CACNA1C: variants seen among roughly 807,000 people sequenced by gnomAD.
CACNA1C encodes the protein calcium voltage-gated channel subunit alpha1 C, also known as voltage-dependent L-type calcium channel subunit alpha-1C.
A neutral mutation model predicts 229.0 loss-of-function variants in CACNA1C; 30 were observed. The observed-to-expected ratio is 0.13, with a 90% confidence interval of 0.10 to 0.18. The LOEUF (loss-of-function observed/expected upper bound fraction) is 0.18, where lower values mean the gene tolerates loss of function less well. CACNA1C is among the 10% of genes least tolerant of loss of function. CACNA1C has a pLI of 1.00. For missense variants in CACNA1C, 1,658 were observed against 2,845.0 expected, an observed-to-expected ratio of 0.58 and a Z score of 9.49; for synonymous variants, 1,114 against 1,132.5, an observed-to-expected ratio of 0.98 and a Z score of 0.33.
At chr12:2,254,193 C>T (rs975486302) in intron 3 of CACNA1C, among the ~76,000 whole-genome samples, 7 of 152,218 alleles carry the variant, frequency 4.6e-5, no homozygotes, top group African/African-American at 1.7e-4. Flanking sequence ...GCACTGTGCT[C>T]ACCACTCGAG....
At chr12:2,147,614 G>A (rs2094842685) in intron 3 of CACNA1C, among the ~76,000 whole-genome samples, 1 of 151,216 alleles carries the variant, frequency 6.6e-6, no homozygotes. Context: ...TTGAATGAGT[G>A]TCAGAACTAA....
chr12:2,053,282 G>A lies in CACNA1C; in HGVS notation c.-281G>A, dbSNP rs2052858806. The A allele has an allele frequency of 1.8e-6, 2 of 1,139,572 alleles. No homozygotes were observed. Among genetic ancestry groups the A allele is most frequent in the Admixed American group, 9.6e-5 (2 of 20,842 alleles). The allele number at this position is 1,139,572 out of a possible 1,614,324, so 70.6% of individuals were successfully genotyped here. ...TTCAAATGGTGTAGCCGCCGGAGGTGCGGTGCTCAGTTCTTGGAAGGGGCC... is the reference window on the plus strand; with the variant it reads ...TTCAAATGGTGTAGCCGCCGGAGGTACGGTGCTCAGTTCTTGGAAGGGGCC... On this transcript the variant is annotated 5_prime_UTR_variant, in exon 1 of 47. Coordinates refer to ENST00000399655, the MANE Select transcript of CACNA1C (RefSeq NM_000719.7). The surrounding 1 kb of genome is among the most constrained non-coding windows in gnomAD (Gnocchi z 5.8).
chr12:2,559,246 T>C (rs1306607361), intron 11 of CACNA1C, among the ~76,000 whole-genome samples: 1 of 152,242 alleles, frequency 6.6e-6, no homozygotes, highest in East Asian at 1.9e-4. Flanking sequence ...TCATTCTCAG[T>C]TCATGCAAGT....
At chr12:2,484,547 G>A (rs1440403544) in intron 5 of CACNA1C, among the ~76,000 whole-genome samples, 1 of 152,106 alleles carries the variant, frequency 6.6e-6, no homozygotes, top group Non-Finnish European at 1.5e-5. Context: ...GGCCTGGAGG[G>A]GAGCCTCCCG....
chr12:1,988,728 A>G (rs2038517357), intron 1 of CACNA1C, among the ~76,000 whole-genome samples: 1 of 152,218 alleles, frequency 6.6e-6, no homozygotes, highest in Non-Finnish European at 1.5e-5. Flanking sequence ...TCACTTTAGA[A>G]GGCAACTTTT....
chr12:2,451,627 G>A lies in CACNA1C; in HGVS notation c.617+2512G>A, dbSNP rs115453700. Among the ~76,000 whole-genome samples the A allele has an allele frequency of 7.7e-3, 1,169 of 152,260 alleles. 16 individuals are homozygous for A. Among genetic ancestry groups the A allele is most frequent in the African/African-American group, 0.027 (1,112 of 41,540 alleles). ...GGGTTGACAGGGAGGCAGTGCAGTG[G>A]TGCATCTCTGGCCCACACCTGGTGC... On this transcript the variant is annotated intron_variant, in intron 4 of 46. Transcript: ENST00000399655.
Position 2,601,751 on chromosome 12 carries a change from G to C in CACNA1C, c.2854-103G>C. On this transcript the variant is annotated intron_variant, in intron 21 of 46. Coordinates refer to ENST00000399655, the MANE Select transcript of CACNA1C (RefSeq NM_000719.7). The surrounding 1 kb of genome is among the most constrained non-coding windows in gnomAD (Gnocchi z 5.9). ...TTCCTGTTCCCCATGGATGGTGCTT[G>C]GGACTTGCCCAAGGGATGCTGTGGG... is the stretch of plus-strand genomic sequence containing the variant. 1 of 776,576 alleles carries C rather than the reference G, an allele frequency of 1.3e-6. No homozygotes were observed. Among genetic ancestry groups the C allele is most frequent in the South Asian group, 1.4e-5 (1 of 71,880 alleles). The allele number at this position is 776,576 out of a possible 1,614,324, so 48.1% of individuals were successfully genotyped here. A position where few individuals can be genotyped will look rare whatever the true frequency, so the allele number is the denominator to read the frequency against.
In CACNA1C at chr12:2,597,273, T is replaced by C. The variant is rs747728381; in HGVS notation, c.2837T>C (p.Ile946Thr). ...FDIVFTTIFT[I>T]EIALKMTAYG... ...ATTGTTTTTACCACCATTTTCACCA[T>C]TGAAATTGCTCTGAAGGTAAAGCCC... is the stretch of plus-strand genomic sequence containing the variant. The change falls in exon 21 of 47, where the codon ATT becomes ACT. Residue 946 changes from isoleucine to threonine, a missense_variant. Physicochemically the swap from Ile to Thr is moderately conservative, Grantham distance 89. Transcript: ENST00000399655. This position sits in a 1 kb window ranked among gnomAD's most constrained non-coding sequence, Gnocchi z 4.3. 21 of 1,610,612 alleles carry C rather than the reference T, an allele frequency of 1.3e-5. No individual in the cohort carries two copies. The highest frequency in any genetic ancestry group is 1.6e-4 in the Middle Eastern group (1 of 6,072).
chr12:2,254,073 G>A (rs2076530377), intron 3 of CACNA1C, among the ~76,000 whole-genome samples: 1 of 152,102 alleles, frequency 6.6e-6, no homozygotes, highest in South Asian at 2.1e-4. Flanking sequence ...ACCTCACCTG[G>A]GCACTTCTTA....
intron 3 of CACNA1C, among the ~76,000 whole-genome samples, chr12:2,185,363 G>A (rs556759168): frequency 2.2e-4 from 33 of 152,230 alleles, no homozygotes; most frequent in Non-Finnish European, 3.8e-4. Context: ...CCCTAACCCC[G>A]GAAGCCCACC....
rs1198508475 is a variant in CACNA1C, at chr12:2,025,887, C to A, written c.139+54686C>A. Reference sequence around the variant, plus strand: ...TTACTAGGATTTGCTAGGCACAGAGCAGACAAAGACAAATAATTCCCCTGT... The same window carrying A: ...TTACTAGGATTTGCTAGGCACAGAGAAGACAAAGACAAATAATTCCCCTGT... On this transcript the variant is annotated intron_variant, in intron 1 of 46. Transcript: ENST00000682462. Among the ~76,000 whole-genome samples, 9 of 152,226 alleles carry A rather than the reference C, an allele frequency of 5.9e-5. No individual in the cohort carries two copies. The East Asian group carries it at 1.7e-3, about 29-fold the overall frequency.
intron 3 of CACNA1C, among the ~76,000 whole-genome samples, chr12:2,260,723 T>C (rs2079814754): frequency 6.6e-6 from 1 of 152,182 alleles, no homozygotes; most frequent in Admixed American, 6.5e-5. Flanking sequence ...TGTTTCTCTC[T>C]GCCTCAACAT....
At chr12:2,065,151 T>G (rs956973525) in intron 1 of CACNA1C, among the ~76,000 whole-genome samples, 2 of 152,232 alleles carry the variant, frequency 1.3e-5, no homozygotes, top group African/African-American at 2.4e-5. Context: ...TGTTGCCATA[T>G]CTGGCTGCCT....
At chr12:2,349,971 A>G (rs971332154) in intron 3 of CACNA1C, among the ~76,000 whole-genome samples, 1 of 152,218 alleles carries the variant, frequency 6.6e-6, no homozygotes, top group African/African-American at 2.4e-5. Context: ...AGTCAGAGAA[A>G]GAAATGGAGC....
At chr12:2,500,202 C>G (rs376964243) in intron 7 of CACNA1C, among the ~76,000 whole-genome samples, 1 of 152,154 alleles carries the variant, frequency 6.6e-6, no homozygotes, top group Non-Finnish European at 1.5e-5. Context: ...CAGGGGGGAC[C>G]AAAGCAGCAG....
intron 13 of CACNA1C, among the ~76,000 whole-genome samples, chr12:2,573,416 C>A (rs776633824): frequency 6.6e-6 from 1 of 152,232 alleles, no homozygotes; most frequent in African/African-American, 2.4e-5. Flanking sequence ...TGAGAAAACA[C>A]ATCAAGGTAA....
At chr12:2,355,361 A>AC (rs1010913872) in intron 3 of CACNA1C, among the ~76,000 whole-genome samples, 41 of 149,188 alleles carry the variant, frequency 2.7e-4, no homozygotes, top group African/African-American at 9.6e-4. Context: ...AGGACCTCCC[A>AC]CCCCCCCACA....
At chr12:2,373,035 G>A (rs922879837) in intron 3 of CACNA1C, among the ~76,000 whole-genome samples, 4 of 152,198 alleles carry the variant, frequency 2.6e-5, no homozygotes, top group East Asian at 1.9e-4. Context: ...TGGGGCACTC[G>A]GCACATTCCT....
intron 30 of CACNA1C, among the ~76,000 whole-genome samples, chr12:2,642,146 C>A (rs11613210): frequency 0.19 from 28,675 of 152,012 alleles, 2,846 homozygotes; most frequent in Middle Eastern, 0.26. Context: ...TATAGGCATC[C>A]AATTTGGGTT....
Sources: gnomAD v4.1 joint callset for allele counts (sites outside exome capture counted in the v4.1 genomes callset) on GRCh38, gnomAD v4.1.1 for gene constraint, Gnocchi (gnomAD v3.1) non-coding constraint, MANE v1.5 for transcripts, NCBI Gene and HGNC (gene_info 2026-07-23, HGNC 2026-07-21) for gene names.